The following RAB43 variants were observed in gnomAD, a reference collection of about 807,000 sequenced individuals.
The protein encoded by RAB43 is RAB43, member RAS oncogene family.
Under a neutral mutation model 18.8 loss-of-function variants are expected in RAB43, and 6 were observed. The ratio of observed to expected loss-of-function variants is 0.32; its 90% CI spans 0.17 to 0.63. The LOEUF (loss-of-function observed/expected upper bound fraction) is 0.63, where lower values mean the gene tolerates loss of function less well. Among genes scored for constraint, RAB43 ranks in the 30% least tolerant of loss-of-function variants. RAB43 has a pLI of 0.79. For synonymous variants in RAB43, 103 were observed against 124.1 expected (o/e 0.83, Z 1.13); for missense variants, 195 against 289.1 (o/e 0.67, Z 2.36).
chr3:129,107,355 C>T lies in RAB43; in HGVS notation c.205-12186G>A, dbSNP rs773618530. ...TGAGAAAAAGGTGCACTGTGGGAAA[C>T]GACCCTGGCCTCTGGCCAACAAGTC... On this transcript the variant is annotated intron_variant, in intron 1 of 2. Transcript: ENST00000315150. The surrounding 1 kb of genome is among the most constrained non-coding windows in gnomAD (Gnocchi z 4.2). 3.3e-5 allele frequency among the ~76,000 whole-genome samples: 5 copies of T among 152,106 alleles called. No homozygotes were observed. Among genetic ancestry groups the T allele is most frequent in the Non-Finnish European group, 7.4e-5 (5 of 68,026 alleles).
At position 129,118,006 on chromosome 3, in the gene RAB43, CAA is replaced by C. The variant is rs542760494; in HGVS notation, c.204+3278_204+3279del. On this transcript the variant is annotated intron_variant, in intron 1 of 2. Transcript: ENST00000315150. ...CTGTGGTAAGTGTTATGACCAGATACAATAGAGTTACAGAATAGAGGACCTGG... is the reference window on the plus strand; with the variant it reads ...CTGTGGTAAGTGTTATGACCAGATACTAGAGTTACAGAATAGAGGACCTGG... Among the ~76,000 whole-genome samples the C allele has an allele frequency of 5.0e-4, 76 of 152,300 alleles. 2 individuals are homozygous for C. In the South Asian group the frequency reaches 0.015, roughly 31 times the overall value.
At chr3:129,110,178 C>G (rs1301995683) in intron 1 of RAB43, among the ~76,000 whole-genome samples, 3 of 151,996 alleles carry the variant, frequency 2.0e-5, no homozygotes, top group Non-Finnish European at 4.4e-5. Flanking sequence ...AAAACAGATC[C>G]TGGTAGATAA....
intron 1 of RAB43, among the ~76,000 whole-genome samples, chr3:129,099,473 G>A (rs934630288): frequency 3.9e-5 from 6 of 151,906 alleles, no homozygotes; most frequent in African/African-American, 1.2e-4. Flanking sequence ...CGCAACCTCC[G>A]CCTCCTGAGT....
intron 1 of RAB43, among the ~76,000 whole-genome samples, chr3:129,106,898 C>A (rs1292229672): frequency 6.6e-6 from 1 of 152,192 alleles, no homozygotes; most frequent in African/African-American, 2.4e-5. Context: ...CCAGGATGTG[C>A]GTTCCTGTTC....
At chr3:129,113,991 G>A (rs1424314800) in intron 1 of RAB43, among the ~76,000 whole-genome samples, 3 of 152,034 alleles carry the variant, frequency 2.0e-5, no homozygotes, top group East Asian at 3.9e-4. Context: ...CACGCCTCGC[G>A]CCACTGCACT....
In RAB43 at chr3:129,095,155, G is replaced by A. The variant is rs373488473; in HGVS notation, c.219C>T (p.Asp73=). 1 of 1,613,106 alleles carries A rather than the reference G, an allele frequency of 6.2e-7. No homozygotes were observed. The highest frequency in any genetic ancestry group is 1.1e-5 in the South Asian group (1 of 91,002). The change falls in exon 2 of 3, where the codon GAC becomes GAT. Residue 73 remains aspartate, a synonymous_variant. Transcript: ENST00000315150. This position sits in a 1 kb window ranked among gnomAD's most constrained non-coding sequence, Gnocchi z 4.2. The stretch of plus-strand genomic sequence containing the variant: ...TGCGGAACCGCTCCTGGCCGGCCGT[G>A]TCCCAGATCTGCAGCTAAAGAAATA... The part of the protein sequence containing the change: ...QGKRVKLQIW[D]TAGQERFRTI...
chr3:129,097,878 A>G (rs2107989786), intron 1 of RAB43, among the ~76,000 whole-genome samples: 1 of 152,238 alleles, frequency 6.6e-6, no homozygotes, highest in East Asian at 1.9e-4. Flanking sequence ...CATGAAAGGC[A>G]CCTCATGATC....
At chr3:129,101,742 A>C (rs1934427026) in intron 1 of RAB43, among the ~76,000 whole-genome samples, 1 of 152,240 alleles carries the variant, frequency 6.6e-6, no homozygotes. Flanking sequence ...CATGGGCCAG[A>C]GCCAGAGCAT....
chr3:129,096,204 G>A (rs1463640096), intron 1 of RAB43, among the ~76,000 whole-genome samples: 1 of 152,206 alleles, frequency 6.6e-6, no homozygotes, highest in Non-Finnish European at 1.5e-5. Flanking sequence ...GTCTGTCTGG[G>A]GTGGGGAAAA....
At chr3:129,118,206 G>A (rs567094772) in intron 1 of RAB43, among the ~76,000 whole-genome samples, 1 of 152,308 alleles carries the variant, frequency 6.6e-6, no homozygotes, top group African/African-American at 2.4e-5. Context: ...CTGGAGAGCA[G>A]GCAGTGAAGG....
intron 1 of RAB43, among the ~76,000 whole-genome samples, chr3:129,110,643 C>T (rs1352481333): frequency 3.3e-5 from 5 of 152,028 alleles, no homozygotes; most frequent in Admixed American, 3.3e-4. Flanking sequence ...TCAAGACGAT[C>T]CTGACTAACA....
Position 129,092,946 on chromosome 3 carries a change from ACT to A in RAB43, c.389-1602_389-1601del, listed in dbSNP as rs1398775322. Among the ~76,000 whole-genome samples the A allele has an allele frequency of 3.3e-5, 5 of 149,840 alleles. No homozygotes were observed. The South Asian group carries it at 6.4e-4, about 19-fold the overall frequency. On this transcript the variant is annotated intron_variant, in intron 2 of 2. Transcript: ENST00000315150. ...ACTCCAGTCTGGGCGACAGGGTGAG[ACT>A]CTGTCTCAAAAAAAAAAAAAAGTTC...
In RAB43 at chr3:129,090,242, C is replaced by G. The variant is rs1162998762; in HGVS notation, c.*854G>C. The G allele has an allele frequency of 2.0e-5, 3 of 150,548 alleles. No homozygotes were observed. Among genetic ancestry groups the G allele is most frequent in the Non-Finnish European group, 4.4e-5 (3 of 67,662 alleles). 9.3% of individuals were successfully genotyped at this position (150,548 alleles called of 1,614,324 possible). On this transcript the variant is annotated 3_prime_UTR_variant, in exon 3 of 3. Coordinates refer to ENST00000315150, the MANE Select transcript of RAB43 (RefSeq NM_198490.3). ...AAGGCTGGGTGCCTTGCGGTGCCCT[C>G]TCATCCCTGAGCCTCAAGGATGCAA...
At chr3:129,111,614 G>C (rs1935178754) in intron 1 of RAB43, among the ~76,000 whole-genome samples, 1 of 151,412 alleles carries the variant, frequency 6.6e-6, no homozygotes, top group Non-Finnish European at 1.5e-5. Context: ...CACTCATGCA[G>C]CCAACACATG....
At chr3:129,104,551 C>T (rs1347509773) in intron 1 of RAB43, among the ~76,000 whole-genome samples, 1 of 152,228 alleles carries the variant, frequency 6.6e-6, no homozygotes, top group Non-Finnish European at 1.5e-5. Context: ...TCCCCCTCCT[C>T]TCCCACTCAG....
chr3:129,115,187 C>T (rs908916721), intron 1 of RAB43, among the ~76,000 whole-genome samples: 1 of 152,124 alleles, frequency 6.6e-6, no homozygotes, highest in Non-Finnish European at 1.5e-5. Context: ...ATCAACTTTG[C>T]TCTAAATGTA....
chr3:129,111,778 G>T lies in RAB43; in HGVS notation c.204+9508C>A, dbSNP rs528839262. On this transcript the variant is annotated intron_variant, in intron 1 of 2. Transcript: ENST00000315150. ...GAATTTTCATGTATTTCATAAAATT[G>T]ATTCTGTTCTATATAAACATGAGAG... 1.2e-4 allele frequency among the ~76,000 whole-genome samples: 18 copies of T among 152,110 alleles called. No individual in the cohort carries two copies. In the South Asian group the frequency reaches 3.5e-3, roughly 30 times the overall value.
chr3:129,094,933 G>A (rs1933936688), intron 2 of RAB43, 53 bp downstream of exon 2: 1 of 1,573,388 alleles, frequency 6.4e-7, no homozygotes, highest in African/African-American at 1.3e-5. Context: ...GCAGAGGGAG[G>A]CATGGACAGG....
intron 1 of RAB43, among the ~76,000 whole-genome samples, chr3:129,105,999 C>T (rs1177498333): frequency 1.3e-5 from 2 of 152,242 alleles, no homozygotes; most frequent in Non-Finnish European, 2.9e-5. Context: ...CAGCAGTCCA[C>T]TGTGGGCAGG....
Sources: gnomAD v4.1 joint callset for allele counts (sites outside exome capture counted in the v4.1 genomes callset) on GRCh38, gnomAD v4.1.1 for gene constraint, Gnocchi (gnomAD v3.1) non-coding constraint, MANE v1.5 for transcripts, NCBI Gene and HGNC (gene_info 2026-07-23, HGNC 2026-07-21) for gene names.